The following CAMK1D variants were observed in gnomAD, a reference collection of about 807,000 sequenced individuals.
CAMK1D encodes calcium/calmodulin dependent protein kinase ID.
In CAMK1D, 9 loss-of-function variants were observed where a neutral mutation model predicts 47.7. The observed-to-expected ratio is 0.19, with a 90% confidence interval of 0.11 to 0.33. CAMK1D has a LOEUF of 0.33. Ranked by LOEUF, CAMK1D falls within the 10% of genes least tolerant of loss-of-function variation. The pLI, the probability that CAMK1D is intolerant of heterozygous loss-of-function variation, is 1.00. For missense variants in CAMK1D, 291 were observed against 488.7 expected (o/e 0.60, Z 3.81); for synonymous variants, 184 against 184.9 (o/e 0.99, Z 0.04).
intron 1 of CAMK1D, among the ~76,000 whole-genome samples, chr10:12,500,520 G>C (rs192280101): frequency 1.1e-3 from 175 of 152,322 alleles, no homozygotes; most frequent in Admixed American, 8.6e-3. Flanking sequence ...CATTGCCAGG[G>C]CTGGGTGTCA....
At chr10:12,372,333 A>G (rs1838029445) in intron 1 of CAMK1D, among the ~76,000 whole-genome samples, 1 of 152,258 alleles carries the variant, frequency 6.6e-6, no homozygotes, top group African/African-American at 2.4e-5. Context: ...TTTAGAGATG[A>G]GGAAACTGAG....
chr10:12,732,391 A>G (rs1026326088), intron 3 of CAMK1D, among the ~76,000 whole-genome samples: 2 of 152,178 alleles, frequency 1.3e-5, no homozygotes, highest in Non-Finnish European at 2.9e-5. Flanking sequence ...AATAAGGGAC[A>G]TGATCTGTGT....
At chr10:12,709,203 A>T (rs944787880) in intron 3 of CAMK1D, among the ~76,000 whole-genome samples, 1 of 152,212 alleles carries the variant, frequency 6.6e-6, no homozygotes, top group African/African-American at 2.4e-5. Context: ...CCACAGTTAT[A>T]TAAATGGAAA....
chr10:12,390,265 T>C (rs1221428788), intron 1 of CAMK1D, among the ~76,000 whole-genome samples: 1 of 151,936 alleles, frequency 6.6e-6, no homozygotes, highest in Non-Finnish European at 1.5e-5. Flanking sequence ...AAAGATGGGG[T>C]CTTGCTCCAT....
At chr10:12,711,035 G>T (rs1235471851) in intron 3 of CAMK1D, among the ~76,000 whole-genome samples, 1 of 152,148 alleles carries the variant, frequency 6.6e-6, no homozygotes, top group Non-Finnish European at 1.5e-5. Context: ...ACATAAGCCT[G>T]TTGTTGGATA....
chr10:12,532,348 C>G (rs1312761700), intron 1 of CAMK1D, among the ~76,000 whole-genome samples: 5 of 149,936 alleles, frequency 3.3e-5, no homozygotes, highest in Non-Finnish European at 7.4e-5. Context: ...GGCGGGATCT[C>G]GGCTCACTGC....
chr10:12,439,058 G>A (rs1267664246), intron 1 of CAMK1D, among the ~76,000 whole-genome samples: 1 of 152,092 alleles, frequency 6.6e-6, no homozygotes. Context: ...TGCCCGTCAC[G>A]TGTGGGAGAC....
chr10:12,464,597 C>T (rs532667486), intron 1 of CAMK1D, among the ~76,000 whole-genome samples: 9 of 152,076 alleles, frequency 5.9e-5, no homozygotes, highest in South Asian at 4.1e-4. Flanking sequence ...AGGCGGATCA[C>T]GAGGTCAGGA....
intron 2 of CAMK1D, among the ~76,000 whole-genome samples, chr10:12,599,087 A>G (rs910615674): frequency 6.6e-6 from 1 of 152,152 alleles, no homozygotes; most frequent in Non-Finnish European, 1.5e-5. Flanking sequence ...TGGGAATTGT[A>G]TGTTCATATG....
At chr10:12,527,330 C>T (rs936947128) in intron 1 of CAMK1D, among the ~76,000 whole-genome samples, 63 of 140,500 alleles carry the variant, frequency 4.5e-4, no homozygotes, top group Non-Finnish European at 8.1e-4. Context: ...TTCCAGGGTG[C>T]GGTTCCTTGA....
Position 12,814,723 on chromosome 10 carries a change from A to G in CAMK1D, c.754+416A>G, listed in dbSNP as rs187431269. On this transcript the variant is annotated intron_variant, in intron 7 of 10. Coordinates refer to ENST00000619168, the MANE Select transcript of CAMK1D (RefSeq NM_153498.4). The stretch of plus-strand genomic sequence containing the variant: ...ATTACCCCTAAAAGGTCCCATCCCC[A>G]AATACCATCACATTGGTTGGGATTT... Among the ~76,000 whole-genome samples, 53 of 152,262 alleles carry G rather than the reference A, an allele frequency of 3.5e-4. 1 individual carries two copies. The highest frequency in any genetic ancestry group is 2.0e-4 in the Admixed American group (3 of 15,300).
chr10:12,606,860 G>A (rs947329515), intron 2 of CAMK1D, among the ~76,000 whole-genome samples: 2 of 151,714 alleles, frequency 1.3e-5, no homozygotes, highest in Admixed American at 6.6e-5. Flanking sequence ...ATGGAGTCTC[G>A]CTCTGTCACC....
intron 3 of CAMK1D, among the ~76,000 whole-genome samples, chr10:12,731,854 G>A (rs1345599879): frequency 6.6e-6 from 1 of 152,122 alleles, no homozygotes; most frequent in Non-Finnish European, 1.5e-5. Flanking sequence ...ATTTAGGATG[G>A]GGTTGCAGTT....
intron 1 of CAMK1D, among the ~76,000 whole-genome samples, chr10:12,401,920 G>C (rs1564316431): frequency 7.1e-6 from 1 of 140,592 alleles, no homozygotes; most frequent in African/African-American, 2.5e-5. Flanking sequence ...TATATGGACA[G>C]AATCTTGCTC....
intron 1 of CAMK1D, among the ~76,000 whole-genome samples, chr10:12,476,536 G>C (rs1833907663): frequency 6.6e-6 from 1 of 152,166 alleles, no homozygotes; most frequent in South Asian, 2.1e-4. Context: ...ACCGTATAAT[G>C]AGTGTAAATT....
intron 1 of CAMK1D, among the ~76,000 whole-genome samples, chr10:12,429,675 G>A (rs189022947): frequency 1.3e-5 from 2 of 152,124 alleles, no homozygotes; most frequent in East Asian, 1.9e-4. Context: ...GACCCTGCAC[G>A]ACCTCTTCAG....
intron 2 of CAMK1D, among the ~76,000 whole-genome samples, chr10:12,555,815 G>T (rs958053120): frequency 6.6e-6 from 1 of 152,220 alleles, no homozygotes; most frequent in African/African-American, 2.4e-5. Context: ...AAGTACAAAA[G>T]GGGAGGAAGT....
At chr10:12,381,006 GTA>G (rs1838325430) in intron 1 of CAMK1D, among the ~76,000 whole-genome samples, 1 of 152,236 alleles carries the variant, frequency 6.6e-6, no homozygotes, top group Non-Finnish European at 1.5e-5. Flanking sequence ...TCAATGAAAA[GTA>G]TATGCCTGTG....
intron 2 of CAMK1D, among the ~76,000 whole-genome samples, chr10:12,665,246 G>A (rs1840392655): frequency 6.6e-6 from 1 of 152,200 alleles, no homozygotes; most frequent in African/African-American, 2.4e-5. Context: ...ACTACAAGCT[G>A]TAGAATTCAA....
Sources: gnomAD v4.1 joint callset for allele counts (sites outside exome capture counted in the v4.1 genomes callset) on GRCh38, gnomAD v4.1.1 for gene constraint, MANE v1.5 for transcripts, NCBI Gene and HGNC (gene_info 2026-07-23, HGNC 2026-07-21) for gene names.